IPP: variants seen among roughly 807,000 people sequenced by gnomAD.
The protein encoded by IPP is actin-binding protein IPP.
In IPP, 41 loss-of-function variants were observed where a neutral mutation model predicts 64.1. The ratio of observed to expected loss-of-function variants is 0.64; its 90% CI spans 0.50 to 0.83. The LOEUF (loss-of-function observed/expected upper bound fraction) is 0.83, where lower values mean the gene tolerates loss of function less well. Ranked by LOEUF, IPP falls within the 40% of genes least tolerant of loss-of-function variation. The pLI is 0.00. For missense variants in IPP, 649 were observed against 703.0 expected (o/e 0.92, Z 0.87); for synonymous variants, 214 against 235.2 (o/e 0.91, Z 0.83).
At chr1:45,735,652 A>C (rs1402476358) in intron 3 of IPP, among the ~76,000 whole-genome samples, 3 of 99,838 alleles carry the variant, frequency 3.0e-5, no homozygotes, top group East Asian at 3.2e-4. Context: ...TTTTTGTGAG[A>C]TAGAGTCTTG....
chr1:45,746,153 T>C lies in IPP; in HGVS notation c.259A>G (p.Ile87Val). 6.2e-7 allele frequency: 1 copy of C among 1,614,046 alleles called. No homozygotes were observed. Among genetic ancestry groups the C allele is most frequent in the Non-Finnish European group, 8.5e-7 (1 of 1,179,876 alleles). Residue 87 changes from isoleucine (I) to valine (V), a missense_variant, in exon 2 of 9, where the codon ATC becomes GTC. Ile to Val is a conservative substitution (Grantham distance 29, BLOSUM62 3). Transcript: ENST00000396478. ...ATGAAATCTAGAAGTATCTGAAAGA[T>C]TCCTGCTTCAATTCCTAGAATCGGT... ...VVPILGIEAG[I>V]FQILLDFIYT...
At position 45,719,283 on chromosome 1, in the gene IPP, T is replaced by C. The variant is rs1294306966; in HGVS notation, c.1106A>G (p.Gln369Arg). The change falls in exon 6 of 9, where the codon CAG becomes CGG. Residue 369 changes from glutamine to arginine, a missense_variant. By Grantham distance (43) the Gln-to-Arg change is conservative. Coordinates refer to ENST00000396478, the MANE Select transcript of IPP (RefSeq NM_005897.3). ...ATTCATCGAAGCTACAGTTGTCCAC[T>C]GTTTAGTAACTGGATCATAGCATTC... The part of the protein sequence containing the change: ...CTECYDPVTK[Q>R]WTTVASMNHP... The C allele has an allele frequency of 5.6e-6, 9 of 1,613,060 alleles. No homozygotes were observed. Among genetic ancestry groups the C allele is most frequent in the Admixed American group, 1.7e-5 (1 of 59,952 alleles).
intron 2 of IPP, among the ~76,000 whole-genome samples, chr1:45,741,623 CTTTTTTTTTTT>C (rs57797396): frequency 2.1e-5 from 2 of 96,128 alleles, no homozygotes; most frequent in Admixed American, 1.2e-4. Context: ...TTCTTATTTT[CTTTTTTTTTTT>C]TTTTTTTTTT....
At chr1:45,706,390 C>T (rs28370457) in intron 8 of IPP, among the ~76,000 whole-genome samples, 43,031 of 151,980 alleles carry the variant, frequency 0.28, 6,224 homozygotes, top group South Asian at 0.36. Context: ...TACTTAAGTC[C>T]GGGAGTTTGC....
At chr1:45,704,795 T>C (rs977187682) in intron 8 of IPP, among the ~76,000 whole-genome samples, 1 of 152,308 alleles carries the variant, frequency 6.6e-6, no homozygotes, top group Admixed American at 6.5e-5. Context: ...GATTGAAGAC[T>C]AGCTGAAACA....
chr1:45,733,470 T>TA (rs151126288), intron 3 of IPP, among the ~76,000 whole-genome samples: 46,680 of 142,938 alleles, frequency 0.33, 7,573 homozygotes, highest in African/African-American at 0.38. Flanking sequence ...AGCAAGTCAT[T>TA]AAAAAAAAAA....
chr1:45,744,153 T>C lies in IPP; in HGVS notation c.292+1967A>G, dbSNP rs548910903. On this transcript the variant is annotated intron_variant, in intron 2 of 8. Transcript: ENST00000396478. ...CTGTAGTGTCTTTCTTCACATAGTT[T>C]TTCTCTCTCTCTTTTTGAGACAGTG... 2.0e-5 allele frequency among the ~76,000 whole-genome samples: 3 copies of C among 152,306 alleles called. No homozygotes were observed. The South Asian group carries it at 6.2e-4, about 32-fold the overall frequency.
At chr1:45,694,556 T>G (rs1645370338), downstream of IPP, 1 of 1,112,180 alleles carries the variant, frequency 9.0e-7, no homozygotes, top group Admixed American at 2.0e-5. Flanking sequence ...TCACAGGAGT[T>G]ACCACTGGGA....
chr1:45,725,273 G>A (rs1280325740), intron 5 of IPP, among the ~76,000 whole-genome samples: 4 of 129,570 alleles, frequency 3.1e-5, no homozygotes, highest in African/African-American at 1.2e-4. Context: ...GCCTCTGCCC[G>A]GCCGCCCCTA....
chr1:45,749,499 T>G (rs1369048761), intron 1 of IPP, among the ~76,000 whole-genome samples: 6 of 149,230 alleles, frequency 4.0e-5, no homozygotes, highest in Non-Finnish European at 8.9e-5. Flanking sequence ...TTTTTGTTTT[T>G]TTTTTTTGTT....
chr1:45,706,249 T>C (rs1035791413), intron 8 of IPP, among the ~76,000 whole-genome samples: 9 of 151,996 alleles, frequency 5.9e-5, no homozygotes, highest in Admixed American at 2.0e-4. Context: ...GCTTTAGTAA[T>C]AGGGATAAAC....
chr1:45,722,826 AGAAAT>A (rs1034874228), intron 5 of IPP, among the ~76,000 whole-genome samples: 75 of 152,366 alleles, frequency 4.9e-4, no homozygotes, highest in African/African-American at 1.8e-3. Flanking sequence ...AGTCATAAAA[AGAAAT>A]GAAGTACTGA....
At position 45,740,975 on chromosome 1, in the gene IPP, TTTC is replaced by T; in HGVS notation, c.647_649del (p.Arg216del). 2 of 1,613,870 alleles carry T rather than the reference TTTC, an allele frequency of 1.2e-6. No individual in the cohort carries two copies. Among genetic ancestry groups the T allele is most frequent in the Non-Finnish European group, 8.5e-7 (1 of 1,179,890 alleles). On this transcript the variant is annotated inframe_deletion, in exon 3 of 9. Transcript: ENST00000396478. ...TGGGTCTAGCACTTCCACCACATGT[TTTC>T]TTCTTTTTCCCAAATCTTTCAGAAT...
At position 45,740,556 on chromosome 1, in the gene IPP, C is replaced by A. The variant is rs547721518; in HGVS notation, c.724+345G>T. On this transcript the variant is annotated intron_variant, in intron 3 of 8. Transcript: ENST00000396478. ...CGGCTGGCCGGGCGGGGGGCTGACC[C>A]CCCCTAGGAAATCTTAACTGAAATA... Among the ~76,000 whole-genome samples, 771 of 152,242 alleles carry A rather than the reference C, an allele frequency of 5.1e-3. 7 individuals are homozygous for A. The highest frequency in any genetic ancestry group is 0.017 in the African/African-American group (726 of 41,534).
At chr1:45,743,953 G>A (rs894634441) in intron 2 of IPP, among the ~76,000 whole-genome samples, 7 of 151,474 alleles carry the variant, frequency 4.6e-5, no homozygotes, top group Admixed American at 1.3e-4. Context: ...GGAGGCAGAC[G>A]TTGCAGTGAG....
intron 3 of IPP, among the ~76,000 whole-genome samples, chr1:45,738,848 A>AAAAAC (rs1646016779): frequency 6.7e-6 from 1 of 149,616 alleles, no homozygotes; most frequent in African/African-American, 2.4e-5. Context: ...TCAAAAAAAA[A>AAAAAC]AAAAAAAAAA....
In IPP at chr1:45,712,865, G is replaced by GA. The variant is rs1185686636; in HGVS notation, c.1530+1380dup. On this transcript the variant is annotated intron_variant, in intron 8 of 8. Coordinates refer to ENST00000396478, the MANE Select transcript of IPP (RefSeq NM_005897.3). ...AGAGACTCTATCTCAAAAAAAAAAAGAAAAAAAAAAAAAATATATATATAT... is the reference window on the plus strand; with the variant it reads ...AGAGACTCTATCTCAAAAAAAAAAAGAAAAAAAAAAAAAAATATATATATAT... Among the ~76,000 whole-genome samples, 850 of 120,872 alleles carry GA rather than the reference G, an allele frequency of 7.0e-3. 6 individuals are homozygous for GA. Among genetic ancestry groups the GA allele is most frequent in the African/African-American group, 0.024 (721 of 30,392 alleles). 79.3% of individuals were successfully genotyped at this position (120,872 alleles called of 152,430 possible). A position where few individuals can be genotyped will look rare whatever the true frequency, so the allele number is the denominator to read the frequency against.
intron 8 of IPP, among the ~76,000 whole-genome samples, chr1:45,707,390 T>G (rs970488798): frequency 2.4e-5 from 3 of 124,230 alleles, no homozygotes; most frequent in Non-Finnish European, 4.7e-5. Context: ...GCCACTGCAC[T>G]CCAGCCTGGG....
At chr1:45,738,678 A>G (rs573080874) in intron 3 of IPP, among the ~76,000 whole-genome samples, 1 of 151,692 alleles carries the variant, frequency 6.6e-6, no homozygotes, top group Non-Finnish European at 1.5e-5. Context: ...GTCTCTACTA[A>G]AAATACAAAA....
Sources: gnomAD v4.1 joint callset for allele counts (sites outside exome capture counted in the v4.1 genomes callset) on GRCh38, gnomAD v4.1.1 for gene constraint, MANE v1.5 for transcripts, NCBI Gene and HGNC (gene_info 2026-07-23, HGNC 2026-07-21) for gene names.